The following FHIT variants were observed in gnomAD, a reference collection of about 807,000 sequenced individuals.
FHIT encodes fragile histidine triad diadenosine triphosphatase.
Under a neutral mutation model 17.9 loss-of-function variants are expected in FHIT, and 19 were observed. That is an observed-to-expected ratio of 1.06 (90% CI 0.74 to 1.56). FHIT has a LOEUF of 1.56. FHIT is among the 40% of genes most tolerant of loss of function. FHIT has a pLI of 0.00. For synonymous variants in FHIT, 81 were observed against 69.7 expected (o/e 1.16, Z -0.81); for missense variants, 248 against 189.2 (o/e 1.31, Z -1.82).
intron 7 of FHIT, among the ~76,000 whole-genome samples, chr3:59,983,940 C>T (rs3772491): frequency 7.3e-5 from 11 of 149,930 alleles, no homozygotes; most frequent in South Asian, 6.5e-4. Context: ...AGAGCCTCTA[C>T]GTACTGAAGT....
rs151210960 is a variant in FHIT at position 60,471,092 on chromosome 3, G to A, written c.103+65768C>T. Among the ~76,000 whole-genome samples the A allele has an allele frequency of 4.6e-5, 7 of 152,262 alleles. No individual in the cohort carries two copies. The East Asian group carries it at 1.4e-3, about 29-fold the overall frequency. ...CTATGGCTGAACTAGTATCCAAGTT[G>A]CAAAACAATATCCTCTTTACTCTCT... On this transcript the variant is annotated intron_variant, in intron 5 of 9. Transcript: ENST00000492590.
intron 3 of FHIT, among the ~76,000 whole-genome samples, chr3:60,957,810 C>T (rs1447308680): frequency 6.6e-6 from 1 of 152,196 alleles, no homozygotes; most frequent in Admixed American, 6.5e-5. Context: ...CACAGCACAA[C>T]TGATATTGTA....
chr3:60,181,398 G>A (rs142777971), intron 5 of FHIT, among the ~76,000 whole-genome samples: 5,089 of 151,994 alleles, frequency 0.033, 270 homozygotes, highest in African/African-American at 0.12. Flanking sequence ...TGCCCACCTC[G>A]GCCTCCCAAA....
chr3:60,565,255 C>T (rs1356871880), intron 4 of FHIT, among the ~76,000 whole-genome samples: 1 of 152,114 alleles, frequency 6.6e-6, no homozygotes, highest in Non-Finnish European at 1.5e-5. Context: ...GCGATAGTCA[C>T]TTTTTCACAG....
At chr3:60,162,604 T>C (rs925165423) in intron 5 of FHIT, among the ~76,000 whole-genome samples, 6 of 152,214 alleles carry the variant, frequency 3.9e-5, no homozygotes, top group East Asian at 1.9e-4. Flanking sequence ...TGCCTGTATA[T>C]AGACTTCATC....
At chr3:60,829,548 TTA>T (rs1702244308) in intron 3 of FHIT, among the ~76,000 whole-genome samples, 1 of 152,162 alleles carries the variant, frequency 6.6e-6, no homozygotes, top group Admixed American at 6.5e-5. Flanking sequence ...TGGAAAGTTA[TTA>T]GAAGAGGAGA....
At chr3:60,686,687 G>A in intron 4 of FHIT, among the ~76,000 whole-genome samples, 1 of 152,146 alleles carries the variant, frequency 6.6e-6, no homozygotes, top group East Asian at 1.9e-4. Flanking sequence ...CCAAAAATTT[G>A]TAATGCTCCT....
At chr3:59,806,439 C>T (rs1700199902) in intron 8 of FHIT, among the ~76,000 whole-genome samples, 1 of 151,972 alleles carries the variant, frequency 6.6e-6, no homozygotes, top group Non-Finnish European at 1.5e-5. Flanking sequence ...CTTTCCAATG[C>T]TTCGTTCCAC....
intron 5 of FHIT, among the ~76,000 whole-genome samples, chr3:60,515,367 C>G (rs993187456): frequency 2.6e-5 from 4 of 151,938 alleles, no homozygotes; most frequent in African/African-American, 9.7e-5. Flanking sequence ...ATTTACGGGA[C>G]GTGAAATGCA....
intron 2 of FHIT, among the ~76,000 whole-genome samples, chr3:61,055,635 A>G (rs1414487199): frequency 6.6e-6 from 1 of 152,162 alleles, no homozygotes; most frequent in African/African-American, 2.4e-5. Context: ...CATTCATGCC[A>G]GATACTGGGG....
rs148763111 is a variant in FHIT at position 59,983,097 on chromosome 3, C to G, written c.279+28274G>C. ...GGGACTAGAGGCATGTGCCACCATG[C>G]CCAGCTAATATTTGTATTTTTTGTA... On this transcript the variant is annotated intron_variant, in intron 7 of 9. Coordinates refer to ENST00000492590, the MANE Select transcript of FHIT (RefSeq NM_002012.4). Among the ~76,000 whole-genome samples, 71 of 152,068 alleles carry G rather than the reference C, an allele frequency of 4.7e-4. 1 individual carries two copies. In the East Asian group the frequency reaches 0.013, roughly 28 times the overall value.
In FHIT at chr3:60,464,004, T is replaced by TAA. The variant is rs2032637947; in HGVS notation, c.103+72855_103+72856insTT. 3.3e-5 allele frequency among the ~76,000 whole-genome samples: 5 copies of TAA among 152,312 alleles called. 1 individual carries two copies. Among genetic ancestry groups the TAA allele is most frequent in the African/African-American group, 1.2e-4 (5 of 41,576 alleles). On this transcript the variant is annotated intron_variant, in intron 5 of 9. Coordinates refer to ENST00000492590, the MANE Select transcript of FHIT (RefSeq NM_002012.4). ...CAGAAGCTCCTTTTGTGGAAGAACATGTAATTTGCCCTTTATTTGCACAGT... is the reference window on the plus strand; with the variant it reads ...CAGAAGCTCCTTTTGTGGAAGAACATAAGTAATTTGCCCTTTATTTGCACAGT...
At chr3:61,184,146 T>G (rs894043109) in intron 2 of FHIT, among the ~76,000 whole-genome samples, 1 of 152,206 alleles carries the variant, frequency 6.6e-6, no homozygotes, top group East Asian at 1.9e-4. Context: ...ACCCAGGAGA[T>G]AGTAAACTAC....
chr3:60,250,402 T>A (rs999196643), intron 5 of FHIT, among the ~76,000 whole-genome samples: 1 of 152,180 alleles, frequency 6.6e-6, no homozygotes, highest in African/African-American at 2.4e-5. Context: ...ATTGCATCAT[T>A]TGCTGCCAAA....
intron 2 of FHIT, among the ~76,000 whole-genome samples, chr3:61,078,902 T>C (rs1275441769): frequency 6.6e-6 from 1 of 152,208 alleles, no homozygotes; most frequent in Non-Finnish European, 1.5e-5. Context: ...TCTGTGTTTT[T>C]TAAATATAAT....
chr3:61,203,646 C>T (rs181472933), intron 1 of FHIT, among the ~76,000 whole-genome samples: 9 of 152,098 alleles, frequency 5.9e-5, no homozygotes, highest in African/African-American at 2.2e-4. Context: ...TTAAGCTCTA[C>T]TTGTAAAAAA....
chr3:61,045,583 G>A (rs1309386972), intron 2 of FHIT, among the ~76,000 whole-genome samples: 1 of 152,090 alleles, frequency 6.6e-6, no homozygotes, highest in Admixed American at 6.5e-5. Context: ...AGATCAACAA[G>A]GCAGAAAGTT....
At chr3:59,945,927 G>A (rs1290084944) in intron 7 of FHIT, among the ~76,000 whole-genome samples, 5 of 152,156 alleles carry the variant, frequency 3.3e-5, no homozygotes, top group Non-Finnish European at 5.9e-5. Flanking sequence ...TTTGGCTACT[G>A]TAGCCTTGTA....
At chr3:59,990,190 G>A (rs1277055557) in intron 7 of FHIT, among the ~76,000 whole-genome samples, 1 of 152,036 alleles carries the variant, frequency 6.6e-6, no homozygotes, top group Non-Finnish European at 1.5e-5. Context: ...TAATGAGCGA[G>A]TATCATCTCT....
Sources: allele counts gnomAD v4.1 joint callset (sites outside exome capture counted in the v4.1 genomes callset), GRCh38; gene constraint gnomAD v4.1.1; transcripts MANE v1.5; gene names NCBI Gene and HGNC (gene_info 2026-07-23, HGNC 2026-07-21).